Variants in PRKCE observed in about 807,000 individuals in gnomAD.
PRKCE encodes the protein protein kinase C epsilon type.
In PRKCE, 16 loss-of-function variants were observed where a neutral mutation model predicts 85.4. The observed-to-expected ratio is 0.19, with a 90% confidence interval of 0.13 to 0.28. The LOEUF is 0.28. Among genes scored for constraint, PRKCE ranks in the 10% least tolerant of loss-of-function variants. PRKCE has a pLI of 1.00. For synonymous variants in PRKCE, 388 were observed against 371.5 expected, an observed-to-expected ratio of 1.04 and a Z score of -0.51; for missense variants, 573 against 975.2, an observed-to-expected ratio of 0.59 and a Z score of 5.49.
chr2:45,952,992 G>T (rs1700727894), intron 2 of PRKCE, among the ~76,000 whole-genome samples: 1 of 152,204 alleles, frequency 6.6e-6, no homozygotes, highest in African/African-American at 2.4e-5. Flanking sequence ...GGACAGGGAG[G>T]TCAAGCCCGT....
At chr2:45,820,954 C>T (rs781017019) in intron 1 of PRKCE, among the ~76,000 whole-genome samples, 2 of 152,106 alleles carry the variant, frequency 1.3e-5, no homozygotes, top group Admixed American at 1.3e-4. Flanking sequence ...AGCTCCCTCA[C>T]ATCCAGAAAA....
intron 1 of PRKCE, among the ~76,000 whole-genome samples, chr2:45,667,794 CAA>C (rs893138186): frequency 1.4e-5 from 2 of 140,668 alleles, no homozygotes. Context: ...GTTTTAACTT[CAA>C]AAAAAAAAAA....
chr2:45,682,655 C>G (rs754044387), intron 1 of PRKCE, among the ~76,000 whole-genome samples: 1 of 151,932 alleles, frequency 6.6e-6, no homozygotes, highest in East Asian at 1.9e-4. Flanking sequence ...GGCGCGATCT[C>G]CACTCACTGT....
At chr2:45,773,643 C>G (rs76187987) in intron 1 of PRKCE, among the ~76,000 whole-genome samples, 1 of 152,170 alleles carries the variant, frequency 6.6e-6, no homozygotes, top group African/African-American at 2.4e-5. Flanking sequence ...TGTTTGGGAG[C>G]ATTCTAGAAT....
At chr2:45,705,226 T>C (rs1232328340) in intron 1 of PRKCE, among the ~76,000 whole-genome samples, 1 of 152,236 alleles carries the variant, frequency 6.6e-6, no homozygotes, top group Non-Finnish European at 1.5e-5. Flanking sequence ...CGAGCAGCGC[T>C]AGGGGCCTGA....
intron 14 of PRKCE, among the ~76,000 whole-genome samples, chr2:46,181,838 C>T (rs145171980): frequency 1.2e-4 from 18 of 152,218 alleles, no homozygotes; most frequent in Non-Finnish European, 2.4e-4. Context: ...TGGAGAATCC[C>T]GGTCACTATA....
chr2:45,852,297 C>G (rs1196673441), intron 2 of PRKCE, among the ~76,000 whole-genome samples: 1 of 152,202 alleles, frequency 6.6e-6, no homozygotes, highest in Admixed American at 6.5e-5. Flanking sequence ...CCCGTGACCT[C>G]TACTATTAGC....
intron 10 of PRKCE, among the ~76,000 whole-genome samples, chr2:46,017,545 C>A (rs1558965307): frequency 6.6e-6 from 1 of 152,158 alleles, no homozygotes; most frequent in East Asian, 1.9e-4. Context: ...GCCTTACTTT[C>A]AATTCTTTTA....
chr2:45,715,326 G>A (rs940677744), intron 1 of PRKCE, among the ~76,000 whole-genome samples: 1 of 152,234 alleles, frequency 6.6e-6, no homozygotes, highest in African/African-American at 2.4e-5. Flanking sequence ...GTGGGAGGAA[G>A]CTTCTTGTCT....
At chr2:45,928,141 AGTT>A (rs1289602606) in intron 2 of PRKCE, among the ~76,000 whole-genome samples, 2 of 152,020 alleles carry the variant, frequency 1.3e-5, no homozygotes, top group Non-Finnish European at 2.9e-5. Flanking sequence ...AACTGCTTCT[AGTT>A]GTTCTGTGTT....
At chr2:45,764,537 G>T (rs1684758941) in intron 1 of PRKCE, among the ~76,000 whole-genome samples, 1 of 152,298 alleles carries the variant, frequency 6.6e-6, no homozygotes, top group African/African-American at 2.4e-5. Context: ...TCGAATGTGT[G>T]CAGTGGGACA....
intron 1 of PRKCE, among the ~76,000 whole-genome samples, chr2:45,730,208 C>G (rs564767780): frequency 1.3e-5 from 2 of 152,178 alleles, no homozygotes. Context: ...GTCACCCAGA[C>G]TTGAGTGCAG....
At chr2:45,736,623 A>G (rs1204590811) in intron 1 of PRKCE, among the ~76,000 whole-genome samples, 1 of 152,002 alleles carries the variant, frequency 6.6e-6, no homozygotes, top group Non-Finnish European at 1.5e-5. Flanking sequence ...AACTCCTCTC[A>G]CTTTCTACCA....
rs926578355 is a variant in PRKCE, at chr2:46,185,710, A to G, written c.*829A>G. On this transcript the variant is annotated 3_prime_UTR_variant, in exon 15 of 15. Transcript: ENST00000306156. The surrounding 1 kb of genome is among the most constrained non-coding windows in gnomAD (Gnocchi z 4.7). The stretch of plus-strand genomic sequence containing the variant: ...CCAAGGTGGATGCTGTCAATGCCCG[A>G]GTGACACATGAGAGCTGTATGAATT... 5.3e-5 allele frequency: 8 copies of G among 152,292 alleles called. No individual in the cohort carries two copies. Among genetic ancestry groups the G allele is most frequent in the African/African-American group, 1.7e-4 (7 of 41,448 alleles). The allele number at this position is 152,292 out of a possible 1,614,324, so 9.4% of individuals were successfully genotyped here. A position where few individuals can be genotyped will look rare whatever the true frequency, so the allele number is the denominator to read the frequency against.
intron 11 of PRKCE, among the ~76,000 whole-genome samples, chr2:46,117,476 T>G (rs1160488869): frequency 6.6e-6 from 1 of 152,206 alleles, no homozygotes; most frequent in Non-Finnish European, 1.5e-5. Context: ...CTGAAATTAA[T>G]TCTACATGAG....
intron 6 of PRKCE, among the ~76,000 whole-genome samples, chr2:45,998,162 A>T (rs772816327): frequency 2.0e-5 from 3 of 151,686 alleles, no homozygotes; most frequent in Non-Finnish European, 4.4e-5. Flanking sequence ...AGTTATATTC[A>T]GTTGATTAAT....
chr2:45,675,927 C>A (rs188767672), intron 1 of PRKCE, among the ~76,000 whole-genome samples: 2 of 152,212 alleles, frequency 1.3e-5, no homozygotes, highest in Non-Finnish European at 2.9e-5. Flanking sequence ...CATTTTACTC[C>A]CCTTTTTCAA....
At chr2:45,862,826 C>T (rs938560971) in intron 2 of PRKCE, among the ~76,000 whole-genome samples, 1 of 152,120 alleles carries the variant, frequency 6.6e-6, no homozygotes, top group Admixed American at 6.5e-5. Context: ...ACACATGCAC[C>T]CATAATCACC....
At chr2:46,090,614 T>C (rs1670074661) in intron 11 of PRKCE, among the ~76,000 whole-genome samples, 1 of 152,214 alleles carries the variant, frequency 6.6e-6, no homozygotes, top group South Asian at 2.1e-4. Context: ...CAGTCTTTGT[T>C]TGAAGCATTT....
Sources: gnomAD v4.1 joint callset for allele counts (sites outside exome capture counted in the v4.1 genomes callset) on GRCh38, gnomAD v4.1.1 for gene constraint, Gnocchi (gnomAD v3.1) non-coding constraint, MANE v1.5 for transcripts, NCBI Gene and HGNC (gene_info 2026-07-23, HGNC 2026-07-21) for gene names.